The following KCNQ5 variants were observed in gnomAD, a reference collection of about 807,000 sequenced individuals.
KCNQ5 encodes the protein potassium voltage-gated channel subfamily Q member 5.
Under a neutral mutation model 98.2 loss-of-function variants are expected in KCNQ5, and 30 were observed. That is an observed-to-expected ratio of 0.31 (90% CI 0.23 to 0.41). The LOEUF (loss-of-function observed/expected upper bound fraction) is 0.41. Among genes scored for constraint, KCNQ5 ranks in the 10% least tolerant of loss-of-function variants. The pLI is 1.00. For synonymous variants in KCNQ5, 458 were observed against 449.4 expected (o/e 1.02, Z -0.24); for missense variants, 835 against 1,182.5 (o/e 0.71, Z 4.31).
intron 1 of KCNQ5, among the ~76,000 whole-genome samples, chr6:72,661,865 G>T (rs58599475): frequency 0.039 from 5,882 of 152,222 alleles, 128 homozygotes; most frequent in Middle Eastern, 0.13. Flanking sequence ...CAATGGGCTA[G>T]AATAAGCTTC....
At chr6:73,156,481 C>A (rs1777365445) in intron 10 of KCNQ5, among the ~76,000 whole-genome samples, 1 of 152,046 alleles carries the variant, frequency 6.6e-6, no homozygotes, top group Admixed American at 6.5e-5. Flanking sequence ...TAAAAATAGC[C>A]AGGCGTGGTG....
At chr6:73,067,661 G>A (rs1773112586) in intron 3 of KCNQ5, among the ~76,000 whole-genome samples, 1 of 152,076 alleles carries the variant, frequency 6.6e-6, no homozygotes, top group South Asian at 2.1e-4. Flanking sequence ...TGTGTACTGA[G>A]CATCCCGCAC....
chr6:72,826,229 G>T (rs1775987131), intron 1 of KCNQ5, among the ~76,000 whole-genome samples: 1 of 152,094 alleles, frequency 6.6e-6, no homozygotes, highest in Non-Finnish European at 1.5e-5. Context: ...GAATACTTTA[G>T]TCACCAGTTA....
intron 1 of KCNQ5, among the ~76,000 whole-genome samples, chr6:72,815,556 T>C (rs1775465675): frequency 6.6e-6 from 1 of 152,112 alleles, no homozygotes; most frequent in Non-Finnish European, 1.5e-5. Flanking sequence ...AGTAGATTGG[T>C]TCCAAACCAA....
In KCNQ5 at chr6:72,622,940, A is replaced by G. The variant is rs1484917283; in HGVS notation, c.398+353A>G. ...CAACCGAACGGGGCGCCCGGGAGCT[A>G]GGGAATGCAAAGGGAGGACAGGCGC... On this transcript the variant is annotated intron_variant, in intron 1 of 13. Coordinates refer to ENST00000370398, the MANE Select transcript of KCNQ5 (RefSeq NM_019842.4). The surrounding 1 kb of genome is among the most constrained non-coding windows in gnomAD (Gnocchi z 6.0). 2.6e-5 allele frequency among the ~76,000 whole-genome samples: 4 copies of G among 152,028 alleles called. No individual in the cohort carries two copies. The highest frequency in any genetic ancestry group is 2.6e-4 in the Admixed American group (4 of 15,278).
At chr6:73,167,107 A>C (rs1337599408) in intron 10 of KCNQ5, among the ~76,000 whole-genome samples, 1 of 152,224 alleles carries the variant, frequency 6.6e-6, no homozygotes, top group East Asian at 1.9e-4. Context: ...AATGTCATCA[A>C]ACCATGGGCA....
intron 1 of KCNQ5, among the ~76,000 whole-genome samples, chr6:72,623,808 C>T (rs991409127): frequency 6.6e-6 from 1 of 152,154 alleles, no homozygotes. Context: ...TTTGAGCACA[C>T]GGACTAGGTT....
chr6:73,112,476 G>A (rs1318669209), intron 7 of KCNQ5, among the ~76,000 whole-genome samples: 1 of 151,950 alleles, frequency 6.6e-6, no homozygotes, highest in Non-Finnish European at 1.5e-5. Context: ...CTCCCGAGTA[G>A]CTGGGACTAC....
chr6:72,882,400 A>G (rs1778668196), intron 1 of KCNQ5, among the ~76,000 whole-genome samples: 1 of 152,194 alleles, frequency 6.6e-6, no homozygotes, highest in Non-Finnish European at 1.5e-5. Flanking sequence ...ACGGGCATCA[A>G]CTAGGAAATA....
chr6:72,785,366 G>A (rs1425836914), intron 1 of KCNQ5, among the ~76,000 whole-genome samples: 1 of 151,886 alleles, frequency 6.6e-6, no homozygotes, highest in Non-Finnish European at 1.5e-5. Flanking sequence ...ACAGGAGCAG[G>A]GGTCAGGCAC....
chr6:72,869,811 G>A (rs1057474108), intron 1 of KCNQ5, among the ~76,000 whole-genome samples: 11 of 152,208 alleles, frequency 7.2e-5, no homozygotes, highest in African/African-American at 2.7e-4. Context: ...CCAGTGTCGG[G>A]TCAAAGCTGG....
At chr6:72,953,018 C>T (rs973826061) in intron 1 of KCNQ5, among the ~76,000 whole-genome samples, 1 of 152,164 alleles carries the variant, frequency 6.6e-6, no homozygotes, top group Non-Finnish European at 1.5e-5. Context: ...TGCTTACTCA[C>T]CCTCTCCAGT....
chr6:73,118,301 C>T (rs1017534277), intron 7 of KCNQ5, among the ~76,000 whole-genome samples: 2 of 152,238 alleles, frequency 1.3e-5, no homozygotes, highest in Admixed American at 6.5e-5. Context: ...TCTCACTCAA[C>T]GTTATTCACA....
At chr6:73,103,644 AAATT>A (rs1199292911) in intron 5 of KCNQ5, among the ~76,000 whole-genome samples, 2 of 152,188 alleles carry the variant, frequency 1.3e-5, no homozygotes, top group South Asian at 4.1e-4. Flanking sequence ...TAATTAAAAA[AAATT>A]AACAGTTAAA....
chr6:73,159,377 A>G (rs1777521567), intron 10 of KCNQ5, among the ~76,000 whole-genome samples: 1 of 152,242 alleles, frequency 6.6e-6, no homozygotes, highest in Non-Finnish European at 1.5e-5. Context: ...AGAGAGGATC[A>G]GAAAAAGTAA....
intron 2 of KCNQ5, among the ~76,000 whole-genome samples, chr6:73,033,709 T>A (rs1771255950): frequency 6.6e-6 from 1 of 151,962 alleles, no homozygotes; most frequent in African/African-American, 2.4e-5. Flanking sequence ...CCACTCCCAC[T>A]TCTATGACCC....
chr6:73,070,511 C>T (rs1773254278), intron 3 of KCNQ5, among the ~76,000 whole-genome samples: 1 of 152,004 alleles, frequency 6.6e-6, no homozygotes, highest in Non-Finnish European at 1.5e-5. Context: ...TTATTTCTTA[C>T]TTGTGTAATA....
At chr6:73,034,990 C>T (rs1298355787) in intron 2 of KCNQ5, among the ~76,000 whole-genome samples, 10 of 150,654 alleles carry the variant, frequency 6.6e-5, no homozygotes, top group Non-Finnish European at 4.4e-5. Context: ...GGACTACAGG[C>T]GCCCGCCACC....
chr6:73,148,555 A>T (rs984302742), intron 10 of KCNQ5, among the ~76,000 whole-genome samples: 4 of 152,236 alleles, frequency 2.6e-5, no homozygotes, highest in African/African-American at 9.6e-5. Context: ...AATTATTTTG[A>T]TTGAATCTCC....
Sources: allele counts gnomAD v4.1 joint callset (sites outside exome capture counted in the v4.1 genomes callset), GRCh38; gene constraint gnomAD v4.1.1; non-coding constraint Gnocchi (gnomAD v3.1); transcripts MANE v1.5; gene names NCBI Gene and HGNC (gene_info 2026-07-23, HGNC 2026-07-21).